ARL15: variants seen among roughly 807,000 people sequenced by gnomAD.
The protein encoded by ARL15 is ARF like GTPase 15, also known as ADP-ribosylation factor-like protein 15.
A neutral mutation model predicts 25.2 loss-of-function variants in ARL15; 19 were observed. The observed-to-expected ratio is 0.75, with a 90% CI of 0.53 to 1.10. The LOEUF (loss-of-function observed/expected upper bound fraction) is 1.10, where lower values mean the gene tolerates loss of function less well. Ranked by LOEUF, ARL15 falls within the 50% of genes least tolerant of loss-of-function variation. The pLI is 0.00. For synonymous variants in ARL15, 94 were observed against 86.8 expected (o/e 1.08, Z -0.46); for missense variants, 220 against 246.0 (o/e 0.89, Z 0.71).
intron 1 of ARL15, among the ~76,000 whole-genome samples, chr5:54,288,465 G>A (rs1449659932): frequency 6.6e-6 from 1 of 152,112 alleles, no homozygotes; most frequent in Non-Finnish European, 1.5e-5. Flanking sequence ...GGACTTACTT[G>A]CCTGAGCAAA....
chr5:54,308,396 A>G (rs115209970), intron 1 of ARL15, among the ~76,000 whole-genome samples: 1,981 of 142,934 alleles, frequency 0.014, 45 homozygotes, highest in African/African-American at 0.05. Flanking sequence ...TGGCAAAATA[A>G]TGATTTTTTT....
intron 4 of ARL15, among the ~76,000 whole-genome samples, chr5:54,024,622 T>C (rs570188840): frequency 6.6e-6 from 1 of 152,266 alleles, no homozygotes. Context: ...ACTTTGCAAA[T>C]ATTCAAGAAG....
At chr5:54,282,430 A>G (rs1435916198) in intron 1 of ARL15, 20 of 985,316 alleles carry the variant, frequency 2.0e-5, no homozygotes, top group Non-Finnish European at 2.3e-5. Flanking sequence ...AATCTGCTGT[A>G]TTCCAACATC....
chr5:54,054,746 C>T (rs156837), intron 4 of ARL15, among the ~76,000 whole-genome samples: 53,875 of 151,856 alleles, frequency 0.35, 11,440 homozygotes, highest in Admixed American at 0.47. Context: ...GCCAAGATCG[C>T]GCCACTGCAC....
intron 4 of ARL15, among the ~76,000 whole-genome samples, chr5:54,020,541 T>C (rs370021144): frequency 6.6e-6 from 1 of 152,140 alleles, no homozygotes; most frequent in African/African-American, 2.4e-5. Context: ...CGACATCTAC[T>C]AGACAGAAGG....
At chr5:54,029,306 T>TACCACCACCACCACCACC (rs1168500786) in intron 4 of ARL15, among the ~76,000 whole-genome samples, 6 of 120,018 alleles carry the variant, frequency 5.0e-5, no homozygotes, top group East Asian at 2.1e-4. Flanking sequence ...TAAAAACAGT[T>TACCACCACCACCACCACC]ACCACCACCA....
At chr5:54,066,173 G>A (rs1751225257) in intron 4 of ARL15, among the ~76,000 whole-genome samples, 1 of 152,172 alleles carries the variant, frequency 6.6e-6, no homozygotes, top group South Asian at 2.1e-4. Context: ...ACATCTGTCT[G>A]AGTGCAAAGC....
intron 4 of ARL15, among the ~76,000 whole-genome samples, chr5:53,889,830 G>A (rs1373420692): frequency 4.2e-5 from 5 of 117,886 alleles, no homozygotes; most frequent in Non-Finnish European, 7.3e-5. Flanking sequence ...TTTTTTTTCC[G>A]AGACAGAGTT....
chr5:53,913,108 G>A (rs1745519249), intron 4 of ARL15, among the ~76,000 whole-genome samples: 1 of 152,086 alleles, frequency 6.6e-6, no homozygotes, highest in Admixed American at 6.5e-5. Context: ...AGACCAGACT[G>A]GGCAACAGAG....
chr5:53,912,916 A>C (rs1580073399), intron 4 of ARL15, among the ~76,000 whole-genome samples: 1 of 152,332 alleles, frequency 6.6e-6, no homozygotes, highest in East Asian at 1.9e-4. Context: ...AATGTGATAA[A>C]CCACTAAAAT....
chr5:54,075,895 T>C (rs1474827868), intron 4 of ARL15, among the ~76,000 whole-genome samples: 2 of 152,156 alleles, frequency 1.3e-5, no homozygotes, highest in Non-Finnish European at 2.9e-5. Context: ...ACGGACTAGG[T>C]AAGAGGATAA....
intron 3 of ARL15, among the ~76,000 whole-genome samples, chr5:54,127,075 C>G (rs997636497): frequency 2.0e-5 from 3 of 152,076 alleles, no homozygotes; most frequent in Non-Finnish European, 4.4e-5. Context: ...TGTTCAATTC[C>G]CACCTATGAG....
intron 4 of ARL15, among the ~76,000 whole-genome samples, chr5:53,919,127 T>A (rs1367337403): frequency 6.6e-6 from 1 of 152,172 alleles, no homozygotes; most frequent in East Asian, 1.9e-4. Context: ...TATAGATCAC[T>A]GCCAATCTCT....
At chr5:53,922,614 G>A (rs1267164009) in intron 4 of ARL15, among the ~76,000 whole-genome samples, 1 of 152,214 alleles carries the variant, frequency 6.6e-6, no homozygotes, top group Non-Finnish European at 1.5e-5. Context: ...TGCTTTGGTT[G>A]TGAAATTGTG....
chr5:54,066,231 A>T (rs907657676), intron 4 of ARL15, among the ~76,000 whole-genome samples: 1 of 152,186 alleles, frequency 6.6e-6, no homozygotes, highest in Non-Finnish European at 1.5e-5. Context: ...AGAAAGGCCT[A>T]AGCCCCCATT....
At chr5:53,926,409 G>A (rs1561152518) in intron 4 of ARL15, among the ~76,000 whole-genome samples, 1 of 151,716 alleles carries the variant, frequency 6.6e-6, no homozygotes, top group Admixed American at 6.6e-5. Flanking sequence ...GCCACGGCGG[G>A]AAAAAAGTCC....
intron 4 of ARL15, among the ~76,000 whole-genome samples, chr5:53,896,892 C>T (rs1015487745): frequency 3.3e-5 from 5 of 152,100 alleles, no homozygotes; most frequent in African/African-American, 7.2e-5. Flanking sequence ...TAGAAAACGT[C>T]GGTCTTCAAA....
At chr5:54,105,503 T>A (rs570736217) in intron 4 of ARL15, among the ~76,000 whole-genome samples, 1 of 152,344 alleles carries the variant, frequency 6.6e-6, no homozygotes, top group East Asian at 1.9e-4. Flanking sequence ...ATACAAAGTA[T>A]TAAATATAAG....
At chr5:54,104,612 T>A (rs1252553775) in intron 4 of ARL15, among the ~76,000 whole-genome samples, 5 of 152,132 alleles carry the variant, frequency 3.3e-5, no homozygotes, top group African/African-American at 1.2e-4. Flanking sequence ...TAATAGGAAC[T>A]AAGATTTCAT....
Sources: gnomAD v4.1 joint callset for allele counts (sites outside exome capture counted in the v4.1 genomes callset) on GRCh38, gnomAD v4.1.1 for gene constraint, MANE v1.5 for transcripts, NCBI Gene and HGNC (gene_info 2026-07-23, HGNC 2026-07-21) for gene names.